Variants in NRG3 observed in about 807,000 individuals in gnomAD.
NRG3 encodes the protein pro-neuregulin-3, membrane-bound isoform.
In NRG3, 31 loss-of-function variants were observed where a neutral mutation model predicts 66.9. That is an observed-to-expected ratio of 0.46 (90% CI 0.35 to 0.63). The LOEUF is 0.63. Among genes scored for constraint, NRG3 ranks in the 20% least tolerant of loss-of-function variants. NRG3 has a pLI of 0.00. For synonymous variants in NRG3, 393 were observed against 359.4 expected (o/e 1.09, Z -1.06); for missense variants, 910 against 878.9 (o/e 1.04, Z -0.45).
intron 4 of NRG3, among the ~76,000 whole-genome samples, chr10:82,947,187 A>G (rs1252780970): frequency 6.6e-6 from 1 of 152,170 alleles, no homozygotes; most frequent in Non-Finnish European, 1.5e-5. Context: ...AGAATTTTGA[A>G]TAAGTGGAAT....
At chr10:82,869,275 G>C (rs61860680) in intron 4 of NRG3, among the ~76,000 whole-genome samples, 7 of 152,084 alleles carry the variant, frequency 4.6e-5, no homozygotes, top group Admixed American at 3.9e-4. Context: ...GATTTCTCAC[G>C]TATCTTCTGT....
chr10:82,310,586 T>C (rs2080968690), intron 1 of NRG3, among the ~76,000 whole-genome samples: 1 of 152,194 alleles, frequency 6.6e-6, no homozygotes, highest in Non-Finnish European at 1.5e-5. Flanking sequence ...TCAACCACTT[T>C]AGGCTATTGT....
intron 2 of NRG3, among the ~76,000 whole-genome samples, chr10:82,628,692 G>T (rs932551059): frequency 9.2e-5 from 14 of 152,286 alleles, no homozygotes; most frequent in Middle Eastern, 3.4e-3. Flanking sequence ...GAAGCCCTTA[G>T]AAGTGATGAC....
At chr10:82,688,056 C>T (rs574674935) in intron 2 of NRG3, among the ~76,000 whole-genome samples, 1 of 152,294 alleles carries the variant, frequency 6.6e-6, no homozygotes, top group East Asian at 1.9e-4. Context: ...TCCACATTAC[C>T]ACCCATGTGC....
At chr10:82,484,731 A>G (rs1842544436) in intron 2 of NRG3, among the ~76,000 whole-genome samples, 1 of 152,212 alleles carries the variant, frequency 6.6e-6, no homozygotes, top group Non-Finnish European at 1.5e-5. Context: ...TAATATGAAG[A>G]TCTTGTCAGG....
intron 1 of NRG3, among the ~76,000 whole-genome samples, chr10:81,887,859 G>A (rs1842735706): frequency 6.6e-6 from 1 of 152,132 alleles, no homozygotes; most frequent in African/African-American, 2.4e-5. Flanking sequence ...GGACCCAGGT[G>A]TAGGTTTTCC....
intron 2 of NRG3, among the ~76,000 whole-genome samples, chr10:82,479,582 T>C (rs1008324397): frequency 2.7e-5 from 4 of 145,640 alleles, no homozygotes; most frequent in Admixed American, 1.4e-4. Flanking sequence ...GAGAATCGCT[T>C]GAACCCGGGA....
intron 2 of NRG3, among the ~76,000 whole-genome samples, chr10:82,532,377 G>A (rs1221831877): frequency 6.6e-6 from 1 of 150,684 alleles, no homozygotes; most frequent in African/African-American, 2.4e-5. Flanking sequence ...TCTTAAGGTT[G>A]AATAGTAATC....
chr10:82,748,277 AC>A (rs1294748478), intron 3 of NRG3, among the ~76,000 whole-genome samples: 12 of 151,712 alleles, frequency 7.9e-5, no homozygotes, highest in African/African-American at 1.2e-4. Context: ...TTGAAAAACA[AC>A]CAATATATGA....
intron 1 of NRG3, among the ~76,000 whole-genome samples, chr10:81,900,499 T>C (rs1384560691): frequency 6.6e-6 from 1 of 152,254 alleles, no homozygotes; most frequent in Non-Finnish European, 1.5e-5. Context: ...TCCAGTGTCA[T>C]GTCCTGAGAT....
intron 1 of NRG3, among the ~76,000 whole-genome samples, chr10:81,898,141 T>C (rs1392005489): frequency 6.6e-6 from 1 of 152,130 alleles, no homozygotes; most frequent in Non-Finnish European, 1.5e-5. Context: ...GGGTGGCCCC[T>C]GGAACTAGGA....
intron 3 of NRG3, among the ~76,000 whole-genome samples, chr10:82,783,600 A>G (rs1452734031): frequency 6.6e-6 from 1 of 152,146 alleles, no homozygotes; most frequent in Non-Finnish European, 1.5e-5. Flanking sequence ...GTGAACTCCC[A>G]TTCACAATTG....
At chr10:82,304,657 T>C (rs1208408555) in intron 1 of NRG3, among the ~76,000 whole-genome samples, 1 of 147,910 alleles carries the variant, frequency 6.8e-6, no homozygotes, top group East Asian at 2.0e-4. Context: ...GCTATAGGAC[T>C]GACATCCCTG....
At chr10:82,385,754 A>C (rs2085938630) in intron 2 of NRG3, among the ~76,000 whole-genome samples, 1 of 152,202 alleles carries the variant, frequency 6.6e-6, no homozygotes. Context: ...TTTGTTTACA[A>C]ATATTTAGTA....
At chr10:82,601,565 G>A (rs894724381) in intron 2 of NRG3, among the ~76,000 whole-genome samples, 1 of 151,486 alleles carries the variant, frequency 6.6e-6, no homozygotes, top group Admixed American at 6.6e-5. Context: ...TACCTCTACT[G>A]GCAATCTATT....
intron 1 of NRG3, among the ~76,000 whole-genome samples, chr10:82,058,536 T>G (rs2063966323): frequency 6.6e-6 from 1 of 150,914 alleles, no homozygotes; most frequent in African/African-American, 2.4e-5. Flanking sequence ...TGCCTTCAAC[T>G]TTCTATTATA....
chr10:81,894,321 C>G (rs1467351155), intron 1 of NRG3, among the ~76,000 whole-genome samples: 1 of 151,988 alleles, frequency 6.6e-6, no homozygotes, highest in Non-Finnish European at 1.5e-5. Context: ...AGCCTGGACT[C>G]TGTCTCAAAA....
At chr10:82,646,222 G>T (rs568883053) in intron 2 of NRG3, among the ~76,000 whole-genome samples, 1 of 152,260 alleles carries the variant, frequency 6.6e-6, no homozygotes, top group Admixed American at 6.5e-5. Flanking sequence ...TGGGGGTGGG[G>T]TTTTACAGAG....
chr10:81,929,060 C>T (rs780342739), intron 1 of NRG3, among the ~76,000 whole-genome samples: 4 of 152,188 alleles, frequency 2.6e-5, no homozygotes, highest in South Asian at 2.1e-4. Flanking sequence ...CTTCTGGGCA[C>T]GCGCAGTTCT....
Sources: allele counts gnomAD v4.1 joint callset (sites outside exome capture counted in the v4.1 genomes callset), GRCh38; gene constraint gnomAD v4.1.1; transcripts MANE v1.5; gene names NCBI Gene and HGNC (gene_info 2026-07-23, HGNC 2026-07-21).